Variants in MYH6 observed in about 807,000 individuals in gnomAD.
MYH6 encodes the protein myosin heavy chain 6, also known as myosin-6.
MYH6 carries 126 observed loss-of-function variants against 223.2 expected under a neutral mutation model. That is an observed-to-expected ratio of 0.56 (90% CI 0.49 to 0.65). The LOEUF is 0.65. Ranked by LOEUF, MYH6 falls within the 30% of genes least tolerant of loss-of-function variation. The pLI, the probability that MYH6 is intolerant of heterozygous loss-of-function variation, is 0.00. For missense variants in MYH6, 2,040 were observed against 2,536.4 expected (o/e 0.80, Z 4.20); for synonymous variants, 978 against 1,010.2 (o/e 0.97, Z 0.61).
intron 10 of MYH6, 120 bp downstream of exon 10, chr14:23,403,228 A>T: frequency 1.2e-6 from 1 of 859,486 alleles, no homozygotes; most frequent in East Asian, 2.4e-5. Flanking sequence ...GTGGAGGGAG[A>T]AGGGAAGTGA....
Position 23,402,602 on chromosome 14 carries a change from T to G in MYH6, c.1003A>C (p.Ser335Arg). 6.2e-7 allele frequency: 1 copy of G among 1,613,686 alleles called. No homozygotes were observed. The highest frequency in any genetic ancestry group is 1.1e-5 in the South Asian group (1 of 91,058). ...GTGAAGCCCAGCACGTCAAAGGCAC[T>G]CTGGGACAGAGCGAGAGACAAAGAG... ...DDSEELMATD[S>R]AFDVLGFTSE... Residue 335 changes from serine to arginine, a missense_variant and splice_region_variant, in exon 12 of 39, where the codon AGT (serine) becomes CGT (arginine). By Grantham distance (110) the Ser-to-Arg change is moderately radical. This residue lies in a region of MYH6 where 649 missense variants were observed against 877.3 expected (regional missense o/e 0.74). Transcript: ENST00000405093.
At position 23,405,160 on chromosome 14, in the gene MYH6, A is replaced by G. The variant is rs147097102; in HGVS notation, c.503-33T>C. ...AAAAAAGAGGAGAAGCAATGGGGTC[A>G]GGGCTGAGGATCTGGGTGGGTGTCT... On this transcript the variant is annotated intron_variant, in intron 5 of 38. Transcript: ENST00000405093. This position sits in a 1 kb window ranked among gnomAD's most constrained non-coding sequence, Gnocchi z 4.7. 1.9e-3 allele frequency: 3,134 copies of G among 1,614,026 alleles called. 38 individuals are homozygous for G. The East Asian group carries it at 0.021, about 11-fold the overall frequency.
In MYH6 at chr14:23,405,342, T is replaced by C. The variant is rs745340861; in HGVS notation, c.383A>G (p.Tyr128Cys). 6.2e-7 allele frequency: 1 copy of C among 1,614,100 alleles called. No individual in the cohort carries two copies. Among genetic ancestry groups the C allele is most frequent in the Non-Finnish European group, 8.5e-7 (1 of 1,179,988 alleles). Residue 128 changes from tyrosine to cysteine, a missense_variant, in exon 5 of 39, where the codon TAC (tyrosine) becomes TGC (cysteine). Physicochemically the swap from Tyr to Cys is radical, Grantham distance 194. Around this residue, in one of 4 missense-constraint regions of MYH6, gnomAD observed 184 missense variants for 232.4 expected, o/e 0.79. Coordinates refer to ENST00000405093, the MANE Select transcript of MYH6 (RefSeq NM_002471.4). The surrounding 1 kb of genome is among the most constrained non-coding windows in gnomAD (Gnocchi z 4.7). ...SGLFCVTVNPYKWLPVYNAEV... is the reference protein window; with the variant it reads ...SGLFCVTVNPCKWLPVYNAEV... ...GGCATTGTACACCGGCAGCCACTTG[T>C]AGGGGTTGACAGTGACACAGAAGAG...
Position 23,383,437 on chromosome 14 carries a change from C to T in MYH6, c.5566-117G>A, listed in dbSNP as rs1029133868. On this transcript the variant is annotated intron_variant, in intron 36 of 38. Coordinates refer to ENST00000405093, the MANE Select transcript of MYH6 (RefSeq NM_002471.4). ...CTTTGCTGCCCCTCCCTGCAATGAT[C>T]CAGGTCAAAGAGGTGGTGGGGAAGA... 17 of 821,906 alleles carry T rather than the reference C, an allele frequency of 2.1e-5. 1 individual carries two copies. Among genetic ancestry groups the T allele is most frequent in the African/African-American group, 3.4e-5 (2 of 59,022 alleles). The allele number at this position is 821,906 out of a possible 1,614,324, so 50.9% of individuals were successfully genotyped here.
At chr14:23,401,164 G>A (rs1360461953) in intron 12 of MYH6, among the ~76,000 whole-genome samples, 187 bp from the exon 13 acceptor site, 3 of 152,146 alleles carry the variant, frequency 2.0e-5, no homozygotes, top group Non-Finnish European at 4.4e-5. Context: ...GAGCCACCAT[G>A]CCAGGCTAAT....
In MYH6 at chr14:23,394,211, C is replaced by T. The variant is rs1297856283; in HGVS notation, c.2542G>A (p.Glu848Lys). Residue 848 changes from glutamate (E) to lysine (K), a missense_variant, in exon 21 of 39, where the codon GAG (glutamate) becomes AAG (lysine). Glu to Lys is a moderately conservative substitution (Grantham distance 56). Around this residue, in one of 4 missense-constraint regions of MYH6, gnomAD observed 649 missense variants for 877.3 expected, o/e 0.74. Transcript: ENST00000405093. ...TCCTTCATGGTGGCCATCTCCTTCT[C>T]CGTCTCTGCGCTCTTCAGCAGCGGC... is the stretch of plus-strand genomic sequence containing the variant. ...IKPLLKSAET[E>K]KEMATMKEEF... The T allele has an allele frequency of 1.2e-6, 2 of 1,614,120 alleles. No individual in the cohort carries two copies. Among genetic ancestry groups the T allele is most frequent in the African/African-American group, 1.3e-5 (1 of 74,938 alleles).
chr14:23,401,450 C>T (rs1044133998), intron 12 of MYH6, among the ~76,000 whole-genome samples: 5 of 152,250 alleles, frequency 3.3e-5, no homozygotes, highest in Admixed American at 6.5e-5. Flanking sequence ...ACTCAACCAA[C>T]GTGTGCCTGA....
intron 25 of MYH6, 64 bp from the exon 26 acceptor site, chr14:23,390,510 C>T: frequency 6.3e-7 from 1 of 1,580,872 alleles, no homozygotes; most frequent in South Asian, 1.1e-5. Context: ...CCCCCCGGCT[C>T]TGAAAAGCTA....
At chr14:23,388,036 T>A in intron 30 of MYH6, 113 bp from the exon 31 acceptor site, 1 of 1,606,442 alleles carries the variant, frequency 6.2e-7, no homozygotes, top group East Asian at 2.2e-5. Context: ...CTGTCCCTGG[T>A]CCCGAGCCTG....
chr14:23,389,294 G>T, intron 28 of MYH6, 99 bp downstream of exon 28: 1 of 1,387,014 alleles, frequency 7.2e-7, no homozygotes, highest in Non-Finnish European at 1.0e-6. Flanking sequence ...TCTTTCCCTT[G>T]CAGAGGACTC....
At position 23,383,339 on chromosome 14, in the gene MYH6, G is replaced by GGCCCCCCCCCCCCC; in HGVS notation, c.5566-20_5566-19insGGGGGGGGGGGGGC. 1 of 108,198 alleles carries GGCCCCCCCCCCCCC rather than the reference G, an allele frequency of 9.2e-6. No individual in the cohort carries two copies. The highest frequency in any genetic ancestry group is 1.8e-5 in the Non-Finnish European group (1 of 54,382). 6.7% of individuals were successfully genotyped at this position (108,198 alleles called of 1,614,324 possible). ...CCTCTGTCTGGGGGTGGGAGGGTGGGAGAAGCTGGTTTGGAGGGGGAGCAA... is the reference window on the plus strand; with the variant it reads ...CCTCTGTCTGGGGGTGGGAGGGTGGGGCCCCCCCCCCCCCAGAAGCTGGTTTGGAGGGGGAGCAA... On this transcript the variant is annotated intron_variant, in intron 36 of 38. Transcript: ENST00000405093.
intron 35 of MYH6, 39 bp from the exon 36 acceptor site, chr14:23,384,756 G>C (rs773311134): frequency 6.2e-7 from 1 of 1,614,146 alleles, no homozygotes; most frequent in South Asian, 1.1e-5. Context: ...CATGGGCCAG[G>C]GGCCGGGGCC....
chr14:23,399,012 T>C lies in MYH6; in HGVS notation c.1607A>G (p.Glu536Gly), dbSNP rs1891517653. The change falls in exon 15 of 39, where the codon GAG becomes GGG. Residue 536 changes from glutamate to glycine, a missense_variant. Transcript: ENST00000405093. ...GGCCTTGGGGAACATGCACTCCTCC[T>C]CCAGGATGGACATGATGCCCATGGG... ...EKPMGIMSIL[E>G]EECMFPKATD... 2.5e-6 allele frequency: 4 copies of C among 1,613,958 alleles called. No individual in the cohort carries two copies. Among genetic ancestry groups the C allele is most frequent in the Non-Finnish European group, 3.4e-6 (4 of 1,179,972 alleles).
At chr14:23,402,432 C>G (rs754907165) in intron 12 of MYH6, 32 bp downstream of exon 12, 57 of 1,611,100 alleles carry the variant, frequency 3.5e-5, no homozygotes, top group Non-Finnish European at 4.5e-5. Context: ...GCACCTCAGG[C>G]CTTCCCAGGG....
At chr14:23,403,815 G>T in intron 8 of MYH6, 37 bp from the exon 9 acceptor site, 1 of 1,553,418 alleles carries the variant, frequency 6.4e-7, no homozygotes, top group East Asian at 2.3e-5. Context: ...GAACTGGCGG[G>T]AAGGACAGAG....
intron 15 of MYH6, among the ~76,000 whole-genome samples, chr14:23,398,437 A>G (rs1891495745): frequency 6.6e-6 from 1 of 152,118 alleles, no homozygotes; most frequent in Admixed American, 6.5e-5. Flanking sequence ...TCCCACATGC[A>G]TCGTTCCCTG....
rs147148031 is a variant in MYH6 at position 23,405,645 on chromosome 14, G to A, written c.327C>T (p.Tyr109=). 1.1e-5 allele frequency: 17 copies of A among 1,614,078 alleles called. No homozygotes were observed. The highest frequency in any genetic ancestry group is 1.6e-4 in the Middle Eastern group (1 of 6,084). Reference sequence around the variant, plus strand: ...CACTCACATATATCATCCAGGCCGCGTAGCGCTCCTTGAGGTTGAAAAGCA... The same window carrying A: ...CACTCACATATATCATCCAGGCCGCATAGCGCTCCTTGAGGTTGAAAAGCA... ...PAVLFNLKER[Y]AAWMIYTYSG... is the part of the protein sequence containing the mutation. Residue 109 remains tyrosine (Y), a synonymous_variant, in exon 4 of 39, where the codon TAC becomes TAT. Transcript: ENST00000405093. The surrounding 1 kb of genome is among the most constrained non-coding windows in gnomAD (Gnocchi z 4.7).
At chr14:23,402,923 G>T in intron 10 of MYH6, 123 bp from the exon 11 acceptor site, 1 of 743,042 alleles carries the variant, frequency 1.3e-6, no homozygotes. Flanking sequence ...ATGGAGGAAG[G>T]GAGGACAGGG....
chr14:23,401,332 C>A (rs965115153), intron 12 of MYH6, among the ~76,000 whole-genome samples: 3 of 152,230 alleles, frequency 2.0e-5, no homozygotes, highest in Admixed American at 6.5e-5. Context: ...AGGGAGTGAG[C>A]CTCCTTCCCT....
Sources: allele counts gnomAD v4.1 joint callset (sites outside exome capture counted in the v4.1 genomes callset), GRCh38; gene constraint gnomAD v4.1.1; regional missense constraint gnomAD v4.1.1; non-coding constraint Gnocchi (gnomAD v3.1); transcripts MANE v1.5; gene names NCBI Gene and HGNC (gene_info 2026-07-23, HGNC 2026-07-21).